Variants in SNHG17 observed in about 807,000 individuals in gnomAD.
SNHG17 encodes small nucleolar RNA host gene 17 (non-protein coding).
At chr20:38,421,030 C>T (rs765189809) in exon 7 of SNHG17, 16 of 152,240 alleles carry the variant, frequency 1.1e-4, no homozygotes, top group South Asian at 2.1e-4. Context: ...TCAGCAAACC[C>T]AGATCCCAGA....
chr20:38,424,225 T>C (rs905691325), intron 5 of SNHG17, among the ~76,000 whole-genome samples: 1 of 151,300 alleles, frequency 6.6e-6, no homozygotes, highest in Non-Finnish European at 1.5e-5. Context: ...AAGAAGGCTT[T>C]TGGAGCAGGC....
intron 1 of SNHG17, chr20:38,434,992 C>G (rs788349): frequency 0.17 from 214,389 of 1,229,560 alleles, 23,105 homozygotes; most frequent in African/African-American, 0.52. Flanking sequence ...GCACGTGGCC[C>G]GCTCAGCACT....
At chr20:38,423,092 CAAAA>C (rs760496901) in intron 5 of SNHG17, among the ~76,000 whole-genome samples, 1 of 136,730 alleles carries the variant, frequency 7.3e-6, no homozygotes, top group Non-Finnish European at 1.6e-5. Context: ...AACTCCATCT[CAAAA>C]AAAAAAAAGA....
chr20:38,433,992 T>C (rs1469564412), intron 2 of SNHG17: 1 of 518,772 alleles, frequency 1.9e-6, no homozygotes, highest in Admixed American at 1.9e-5. Context: ...CACTTTCGAA[T>C]ACAGGTGCAA....
At chr20:38,435,189 G>T in intron 1 of SNHG17, 1 of 1,232,188 alleles carries the variant, frequency 8.1e-7, no homozygotes, top group Non-Finnish European at 1.0e-6. Context: ...GCCCTGCTGT[G>T]GACTCACCCG....
rs533582365 is a variant in SNHG17, at chr20:38,435,121, T to A, written n.185+76A>T. ...CACCAAGGACAGGGCCTGACCTCTC[T>A]GGCCGCCTTCCCCGGGGCCTCAGTT... On this transcript the variant is annotated intron_variant and non_coding_transcript_variant, in intron 1 of 8. Coordinates refer to ENST00000654008, the Ensembl canonical transcript of SNHG17. The A allele has an allele frequency of 3.2e-4, 396 of 1,232,304 alleles. 1 individual carries two copies. In the African/African-American group the frequency reaches 5.8e-3, roughly 18 times the overall value. The allele number at this position is 1,232,304 out of a possible 1,614,324, so 76.3% of individuals were successfully genotyped here.
chr20:38,433,372 C>T lies in SNHG17; in HGVS notation n.308+1132G>A, dbSNP rs573651679. Reference sequence around the variant, plus strand: ...GACAGGACTCAGATACTGAGACAGGCGAAGTGGCTCACACCTGTAATTCCA... The same window carrying T: ...GACAGGACTCAGATACTGAGACAGGTGAAGTGGCTCACACCTGTAATTCCA... On this transcript the variant is annotated intron_variant and non_coding_transcript_variant, in intron 2 of 8. Coordinates refer to ENST00000654008, the Ensembl canonical transcript of SNHG17. Among the ~76,000 whole-genome samples, 6 of 152,064 alleles carry T rather than the reference C, an allele frequency of 3.9e-5. No individual in the cohort carries two copies. The East Asian group carries it at 9.7e-4, about 24-fold the overall frequency.
chr20:38,435,167 A>G, intron 1 of SNHG17: 1 of 1,232,276 alleles, frequency 8.1e-7, no homozygotes, highest in Non-Finnish European at 1.0e-6. Flanking sequence ...GTGAGAGTGG[A>G]GCCGACCATG....
chr20:38,422,905 A>C (rs1443471078), intron 5 of SNHG17, among the ~76,000 whole-genome samples: 3 of 152,186 alleles, frequency 2.0e-5, no homozygotes, highest in Non-Finnish European at 1.5e-5. Flanking sequence ...AGACTGACCA[A>C]CATGGTGAAA....
At chr20:38,432,214 T>G (rs1446885390) in intron 2 of SNHG17, 1 of 968,256 alleles carries the variant, frequency 1.0e-6, no homozygotes, top group Non-Finnish European at 1.2e-6. Context: ...TTAACAGTGG[T>G]CTACGGTCTC....
At chr20:38,433,855 G>A (rs1248131954) in intron 2 of SNHG17, 4 of 519,130 alleles carry the variant, frequency 7.7e-6, no homozygotes, top group Non-Finnish European at 1.5e-5. Context: ...GAAAGATGGT[G>A]AGAAGGAGGT....
intron 2 of SNHG17, chr20:38,434,388 C>A (rs2084394926): frequency 4.6e-6 from 1 of 216,850 alleles, no homozygotes; most frequent in African/African-American, 2.3e-5. Flanking sequence ...TTGCTCTGCA[C>A]CCGCTTTGCC....
chr20:38,430,098 T>C (rs561112926), intron 3 of SNHG17, among the ~76,000 whole-genome samples: 41 of 150,024 alleles, frequency 2.7e-4, no homozygotes, highest in African/African-American at 9.6e-4. Flanking sequence ...AGGTGGATCA[T>C]CTGAGGTCAG....
chr20:38,423,197 G>C (rs2084187835), intron 5 of SNHG17, among the ~76,000 whole-genome samples: 2 of 151,084 alleles, frequency 1.3e-5, no homozygotes, highest in African/African-American at 4.9e-5. Flanking sequence ...AGGAGTTGGA[G>C]ACCAGCCTGG....
At chr20:38,421,994 C>CA (rs2084162813) in intron 6 of SNHG17, 1 of 152,332 alleles carries the variant, frequency 6.6e-6, no homozygotes, top group Non-Finnish European at 1.5e-5. Flanking sequence ...ACACACACAC[C>CA]CTGAAAGAAA....
intron 2 of SNHG17, chr20:38,434,044 T>C (rs144040117): frequency 3.9e-5 from 20 of 513,322 alleles, no homozygotes; most frequent in African/African-American, 2.7e-4. Flanking sequence ...AGCTGCCAGA[T>C]CTCCAGAGGG....
At chr20:38,432,819 AGT>A (rs887086682) in intron 2 of SNHG17, among the ~76,000 whole-genome samples, 3 of 151,574 alleles carry the variant, frequency 2.0e-5, no homozygotes, top group East Asian at 3.9e-4. Context: ...ACACCTGGCT[AGT>A]GTGTGTGTGT....
intron 3 of SNHG17, among the ~76,000 whole-genome samples, chr20:38,426,892 G>A (rs1183492730): frequency 2.0e-5 from 3 of 150,232 alleles, no homozygotes; most frequent in Non-Finnish European, 3.0e-5. Flanking sequence ...GCAGCAATGA[G>A]CACTTTCTCT....
intron 3 of SNHG17, chr20:38,427,893 A>C (rs2084276628): frequency 6.6e-6 from 1 of 152,498 alleles, no homozygotes; most frequent in Non-Finnish European, 1.5e-5. Context: ...TGGTGTCTAC[A>C]TAACCAGATC....
Sources: allele counts gnomAD v4.1 joint callset (sites outside exome capture counted in the v4.1 genomes callset), GRCh38; gene constraint gnomAD v4.1.1; transcripts MANE v1.5; gene names NCBI Gene and HGNC (gene_info 2026-07-23, HGNC 2026-07-21).